Variants in HERC2 observed in about 807,000 individuals in gnomAD.
The protein encoded by HERC2 is HECT and RLD domain containing E3 ubiquitin protein ligase 2.
HERC2 carries 102 observed loss-of-function variants against 537.7 expected under a neutral mutation model. That is an observed-to-expected ratio of 0.19 (90% CI 0.16 to 0.22). The LOEUF (loss-of-function observed/expected upper bound fraction) is 0.22, where lower values mean the gene tolerates loss of function less well. Among genes scored for constraint, HERC2 ranks in the 10% least tolerant of loss-of-function variants. HERC2 has a pLI of 1.00. For missense variants in HERC2, 4,236 were observed against 6,198.2 expected (o/e 0.68, Z 10.63); for synonymous variants, 2,224 against 2,466.2 (o/e 0.90, Z 2.91).
chr15:28,216,834 TAC>T (rs1268928555), intron 38 of HERC2, among the ~76,000 whole-genome samples: 1 of 145,998 alleles, frequency 6.8e-6, no homozygotes, highest in Non-Finnish European at 1.5e-5. Flanking sequence ...CACTCTCACA[TAC>T]ACTTACCCCT....
intron 2 of HERC2, among the ~76,000 whole-genome samples, chr15:28,307,486 T>G (rs2076821650): frequency 2.0e-5 from 3 of 152,244 alleles, no homozygotes; most frequent in Admixed American, 2.0e-4. Flanking sequence ...TTTCTACTTT[T>G]TTGATTTTCC....
Position 28,153,673 on chromosome 15 carries a change from G to C in HERC2, c.10747-843C>G, listed in dbSNP as rs147353313. The stretch of plus-strand genomic sequence containing the variant: ...CTCGAAAAAAGAAAAAGAAAAAAAA[G>C]TAGTTGGAAGGCTCCCAACACACAC... On this transcript the variant is annotated intron_variant, in intron 69 of 92. Coordinates refer to ENST00000261609, the MANE Select transcript of HERC2 (RefSeq NM_004667.6). 4.4e-3 allele frequency among the ~76,000 whole-genome samples: 671 copies of C among 152,220 alleles called. 6 individuals are homozygous for C. The highest frequency in any genetic ancestry group is 0.014 in the African/African-American group (569 of 41,528).
At chr15:28,261,956 C>CA (rs1291573407) in intron 15 of HERC2, among the ~76,000 whole-genome samples, 1 of 151,830 alleles carries the variant, frequency 6.6e-6, no homozygotes, top group African/African-American at 2.4e-5. Flanking sequence ...AGCCCCCACA[C>CA]ACAACGCAGC....
intron 78 of HERC2, 45 bp from the exon 79 acceptor site, chr15:28,135,737 T>C (rs762887453): frequency 1.4e-6 from 2 of 1,395,710 alleles, no homozygotes; most frequent in Admixed American, 1.7e-5. Context: ...TTAATCTCAA[T>C]ATCCCCTAAA....
At chr15:28,129,039 GC>G (rs1245541333) in intron 83 of HERC2, among the ~76,000 whole-genome samples, 7 of 152,268 alleles carry the variant, frequency 4.6e-5, no homozygotes, top group Non-Finnish European at 1.0e-4. Context: ...ATTACACTGG[GC>G]CCACTAAATA....
chr15:28,116,973 G>A (rs371797618), intron 87 of HERC2, 40 bp downstream of exon 87: 2 of 1,613,552 alleles, frequency 1.2e-6, no homozygotes, highest in East Asian at 4.5e-5. Flanking sequence ...GGCGACCACT[G>A]CCGGGGACAC....
chr15:28,120,250 A>G (rs1055449759), intron 86 of HERC2, among the ~76,000 whole-genome samples: 1 of 152,260 alleles, frequency 6.6e-6, no homozygotes, highest in Non-Finnish European at 1.5e-5. Flanking sequence ...TGAAGAGACC[A>G]GCTCCATCAA....
chr15:28,229,072 A>G lies in HERC2; in HGVS notation c.5272+123T>C, dbSNP rs1235469290. 3.2e-6 allele frequency: 3 copies of G among 925,250 alleles called. No individual in the cohort carries two copies. The East Asian group carries it at 7.2e-5, about 22-fold the overall frequency. 57.3% of individuals were successfully genotyped at this position (925,250 alleles called of 1,614,324 possible). Reference sequence around the variant, plus strand: ...GAAAGCTGACAGCAGCATAGATTATACAAGTACAAAGTACAAACTTTAATT... The same window carrying G: ...GAAAGCTGACAGCAGCATAGATTATGCAAGTACAAAGTACAAACTTTAATT... On this transcript the variant is annotated intron_variant, in intron 34 of 92. Transcript: ENST00000261609.
At position 28,113,635 on chromosome 15, in the gene HERC2, T is replaced by C. The variant is rs775125110; in HGVS notation, c.13957A>G (p.Met4653Val). ...AGGGGAACAGGCACAACGCGGGCCA[T>C]TCCTTCCCGAACAGCAGCCACCTGC... ...DEQVAAVREG[M>V]ARVVPVPLLS... The change falls in exon 91 of 93, where the codon ATG becomes GTG. Residue 4653 changes from methionine to valine, a missense_variant. By Grantham distance (21) the Met-to-Val change is conservative. Around this residue, in one of 27 missense-constraint regions of HERC2, gnomAD observed 313 missense variants for 462.6 expected, o/e 0.68. Coordinates refer to ENST00000261609, the MANE Select transcript of HERC2 (RefSeq NM_004667.6). The surrounding 1 kb of genome is among the most constrained non-coding windows in gnomAD (Gnocchi z 7.0). 24 of 1,614,060 alleles carry C rather than the reference T, an allele frequency of 1.5e-5. No individual in the cohort carries two copies. The highest frequency in any genetic ancestry group is 5.0e-5 in the Admixed American group (3 of 60,008).
In HERC2 at chr15:28,265,579, C is replaced by G. The variant is rs760045824; in HGVS notation, c.1870+39G>C. ...CCTCCAGGGAAGCTGCCATGCGTGT[C>G]CTCGTGGGCCTGTCCAGGGTGGCGA... is the stretch of plus-strand genomic sequence containing the variant. On this transcript the variant is annotated intron_variant, in intron 14 of 92. Transcript: ENST00000261609. This position sits in a 1 kb window ranked among gnomAD's most constrained non-coding sequence, Gnocchi z 4.0. The G allele has an allele frequency of 9.7e-6, 15 of 1,548,584 alleles. No individual in the cohort carries two copies. Among genetic ancestry groups the G allele is most frequent in the Admixed American group, 1.7e-5 (1 of 59,836 alleles).
intron 56 of HERC2, among the ~76,000 whole-genome samples, chr15:28,184,981 A>C (rs967820372): frequency 0.014 from 5 of 358 alleles, no homozygotes; most frequent in Admixed American, 0.043. Context: ...TTTATTAAAA[A>C]TCCCAATGAC....
intron 69 of HERC2, among the ~76,000 whole-genome samples, chr15:28,158,405 T>A (rs1416533903): frequency 2.0e-5 from 3 of 152,236 alleles, no homozygotes; most frequent in African/African-American, 7.2e-5. Context: ...ACTTGCTTTA[T>A]GAATCTGGGT....
chr15:28,272,803 CA>C lies in HERC2; in HGVS notation c.911+90del. ...TACAGAGTACCACATCTGCTGCGGT[CA>C]CAAACGATTCAGTGAAACACACACA... On this transcript the variant is annotated intron_variant, in intron 8 of 92. Transcript: ENST00000261609. 7.3e-6 allele frequency: 6 copies of C among 826,828 alleles called. No individual in the cohort carries two copies. The South Asian group carries it at 9.5e-5, about 13-fold the overall frequency. 51.2% of individuals were successfully genotyped at this position (826,828 alleles called of 1,614,324 possible). A position where few individuals can be genotyped will look rare whatever the true frequency, so the allele number is the denominator to read the frequency against.
intron 79 of HERC2, among the ~76,000 whole-genome samples, chr15:28,134,429 C>G (rs1013178037): frequency 2.6e-5 from 4 of 152,188 alleles, no homozygotes; most frequent in African/African-American, 9.7e-5. Context: ...TTTTAATTCT[C>G]TTTACAATCT....
intron 65 of HERC2, 25 bp from the exon 66 acceptor site, chr15:28,169,680 A>T: frequency 2.5e-6 from 4 of 1,591,856 alleles, no homozygotes; most frequent in Non-Finnish European, 3.4e-6. Context: ...TAAAATTTGC[A>T]TTGTTTTTAA....
chr15:28,316,708 G>C (rs1266079595), intron 2 of HERC2, among the ~76,000 whole-genome samples: 1 of 152,136 alleles, frequency 6.6e-6, no homozygotes, highest in Non-Finnish European at 1.5e-5. Flanking sequence ...CTATCAACTG[G>C]ATTATGAACC....
chr15:28,254,667 T>A (rs1279383669), intron 19 of HERC2, 149 bp from the exon 20 acceptor site: 1 of 564,214 alleles, frequency 1.8e-6, no homozygotes, highest in East Asian at 3.2e-5. Flanking sequence ...ATCTGCCTTG[T>A]TGGAAACCCT....
chr15:28,269,220 C>T (rs2075653658), intron 11 of HERC2, 28 bp downstream of exon 11: 3 of 1,599,620 alleles, frequency 1.9e-6, no homozygotes, highest in African/African-American at 2.7e-5. Context: ...CAAGGGAACA[C>T]TGCAGGCACA....
chr15:28,141,700 C>G (rs775987457), intron 77 of HERC2, 31 bp downstream of exon 77: 1 of 1,610,722 alleles, frequency 6.2e-7, no homozygotes, highest in African/African-American at 1.3e-5. Flanking sequence ...CACTCACGAT[C>G]GACATTACTG....
Sources: gnomAD v4.1 joint callset for allele counts (sites outside exome capture counted in the v4.1 genomes callset) on GRCh38, gnomAD v4.1.1 for gene constraint, gnomAD v4.1.1 regional missense constraint, Gnocchi (gnomAD v3.1) non-coding constraint, MANE v1.5 for transcripts, NCBI Gene and HGNC (gene_info 2026-07-23, HGNC 2026-07-21) for gene names.